TBXAS1: variants seen among roughly 807,000 people sequenced by gnomAD.
TBXAS1 encodes the protein thromboxane A synthase 1.
Under a neutral mutation model 60.7 loss-of-function variants are expected in TBXAS1, and 48 were observed. The ratio of observed to expected loss-of-function variants is 0.79; its 90% CI spans 0.63 to 1.01. The LOEUF is 1.01. Ranked by LOEUF, TBXAS1 falls within the 50% of genes least tolerant of loss-of-function variation. The probability of loss-of-function intolerance (pLI) is 0.00; values close to 1 mark genes in which losing one functional copy is unlikely to be tolerated. For synonymous variants in TBXAS1, 287 were observed against 269.7 expected (o/e 1.06, Z -0.63); for missense variants, 685 against 686.3 (o/e 1.00, Z 0.02).
chr7:139,961,954 C>G lies in TBXAS1; in HGVS notation c.855C>G (p.Ala285=), dbSNP rs147264784. Residue 285 remains alanine (A), a synonymous_variant, in exon 9 of 13, where the codon GCC becomes GCG. Coordinates refer to ENST00000448866, the MANE Select transcript of TBXAS1 (RefSeq NM_001061.7). ...ACTTCCTCCAAATGGTCCTGGATGC[C>G]CGACATTCTGCAAGTCCCATGGGCG... ...RRDFLQMVLD[A]RHSASPMGVQ... The G allele has an allele frequency of 1.9e-5, 30 of 1,614,208 alleles. No homozygotes were observed. Among genetic ancestry groups the G allele is most frequent in the East Asian group, 6.7e-5 (3 of 44,892 alleles).
Position 139,916,528 on chromosome 7 carries a change from G to A in TBXAS1, c.333+5207G>A, listed in dbSNP as rs1805986608. On this transcript the variant is annotated intron_variant, in intron 4 of 12. Transcript: ENST00000448866. The surrounding 1 kb of genome is among the most constrained non-coding windows in gnomAD (Gnocchi z 4.2). ...TGGACGTGGTGGGTGGTTTTATCCC[G>A]AACCATCAATACCCGGCACCCTGGC... is the stretch of plus-strand genomic sequence containing the variant. Among the ~76,000 whole-genome samples the A allele has an allele frequency of 6.6e-6, 1 of 152,138 alleles. No individual in the cohort carries two copies. The highest frequency in any genetic ancestry group is 2.1e-4 in the South Asian group (1 of 4,828).
intron 4 of TBXAS1, among the ~76,000 whole-genome samples, chr7:139,935,257 T>C (rs746590440): frequency 1.3e-5 from 2 of 152,248 alleles, no homozygotes; most frequent in Non-Finnish European, 2.9e-5. Flanking sequence ...AGTATTTGCA[T>C]ATAACCTATG....
chr7:139,833,059 C>G (rs949289165), intron 1 of TBXAS1, among the ~76,000 whole-genome samples: 1 of 151,774 alleles, frequency 6.6e-6, no homozygotes, highest in Non-Finnish European at 1.5e-5. Context: ...AGCTAAAAAG[C>G]AAAAGCAAAA....
In TBXAS1 at chr7:139,951,593, TAAAAAAAAAAAAAAAAAAAA is replaced by T. The variant is rs66551791; in HGVS notation, c.451-1764_451-1745del. ...CAACATGGTGGAATCCCGTCTCTAC[TAAAAAAAAAAAAAAAAAAAA>T]AAAAAAAAAATTAGCCAGGCATGGT... On this transcript the variant is annotated intron_variant, in intron 5 of 12. Transcript: ENST00000448866. Among the ~76,000 whole-genome samples the T allele has an allele frequency of 6.0e-5, 4 of 66,312 alleles. No homozygotes were observed. In the East Asian group the frequency reaches 1.7e-3, roughly 28 times the overall value. The allele number at this position is 66,312 out of a possible 152,430, so 43.5% of individuals were successfully genotyped here. A position where few individuals can be genotyped will look rare whatever the true frequency, so the allele number is the denominator to read the frequency against.
In TBXAS1 at chr7:139,871,898, G is replaced by T. The variant is rs577503968; in HGVS notation, c.90-337G>T. On this transcript the variant is annotated intron_variant, in intron 1 of 12. Coordinates refer to ENST00000448866, the MANE Select transcript of TBXAS1 (RefSeq NM_001061.7). Reference sequence around the variant, plus strand: ...GCTCGTGATAGATTTAGAGGCAAAGGAAAGGAATTGGAGAGAGTGGCATTT... The same window carrying T: ...GCTCGTGATAGATTTAGAGGCAAAGTAAAGGAATTGGAGAGAGTGGCATTT... 1.6e-4 allele frequency among the ~76,000 whole-genome samples: 24 copies of T among 152,298 alleles called. No individual in the cohort carries two copies. In the East Asian group the frequency reaches 4.6e-3, roughly 29 times the overall value.
rs75433730 is a variant in TBXAS1, at chr7:139,978,031, G to A, written c.1134+15798G>A. Among the ~76,000 whole-genome samples the A allele has an allele frequency of 2.7e-3, 406 of 152,178 alleles. 4 individuals carry two copies. The highest frequency in any genetic ancestry group is 0.01 in the Middle Eastern group (3 of 294). On this transcript the variant is annotated intron_variant, in intron 9 of 12. Transcript: ENST00000448866. ...CACTGTGGGTCACTTGAACGATGTCGGGGGTATTGTCCACCTCCCAGTGCT... is the reference window on the plus strand; with the variant it reads ...CACTGTGGGTCACTTGAACGATGTCAGGGGTATTGTCCACCTCCCAGTGCT...
intron 9 of TBXAS1, among the ~76,000 whole-genome samples, chr7:139,990,784 G>A (rs1812833329): frequency 6.6e-6 from 1 of 150,628 alleles, no homozygotes; most frequent in East Asian, 2.0e-4. Context: ...CTGGGCCTAC[G>A]ATCCTGCAAA....
chr7:139,962,248 G>A lies in TBXAS1; in HGVS notation c.1134+15G>A, dbSNP rs904979398. On this transcript the variant is annotated intron_variant, in intron 9 of 12. Transcript: ENST00000448866. Reference sequence around the variant, plus strand: ...AGGAGAAACACGTGAGTACAAGTTGGATCCAGTTACCCATGGGATATCCAT... The same window carrying A: ...AGGAGAAACACGTGAGTACAAGTTGAATCCAGTTACCCATGGGATATCCAT... 5.0e-6 allele frequency: 8 copies of A among 1,613,904 alleles called. No homozygotes were observed. Among genetic ancestry groups the A allele is most frequent in the Non-Finnish European group, 6.8e-6 (8 of 1,180,002 alleles).
intron 1 of TBXAS1, among the ~76,000 whole-genome samples, chr7:139,829,904 G>A (rs1490410056): frequency 2.6e-5 from 4 of 152,198 alleles, no homozygotes; most frequent in Non-Finnish European, 5.9e-5. Flanking sequence ...CGTAGGAGCT[G>A]TTTGGCAAAT....
intron 1 of TBXAS1, among the ~76,000 whole-genome samples, chr7:139,836,952 A>G (rs142748086): frequency 6.6e-6 from 1 of 152,228 alleles, no homozygotes; most frequent in African/African-American, 2.4e-5. Flanking sequence ...CAATGAACTC[A>G]AACAAATCAG....
intron 3 of TBXAS1, among the ~76,000 whole-genome samples, chr7:139,877,265 A>C (rs951079309): frequency 6.6e-6 from 1 of 152,076 alleles, no homozygotes; most frequent in Non-Finnish European, 1.5e-5. Flanking sequence ...ATCTCTTTCA[A>C]CTTGGCCTTC....
chr7:139,933,167 A>G (rs147507410), intron 4 of TBXAS1, among the ~76,000 whole-genome samples: 4 of 152,336 alleles, frequency 2.6e-5, no homozygotes, highest in African/African-American at 9.6e-5. Context: ...GGCCCAAGTG[A>G]GCACAGTGTC....
chr7:139,917,470 A>C (rs1371266281), intron 4 of TBXAS1, among the ~76,000 whole-genome samples: 1 of 152,184 alleles, frequency 6.6e-6, no homozygotes, highest in African/African-American at 2.4e-5. Flanking sequence ...TGGAATTCCC[A>C]GGTGACAGTC....
intron 4 of TBXAS1, among the ~76,000 whole-genome samples, chr7:139,934,020 C>T (rs1807545704): frequency 6.6e-6 from 1 of 152,088 alleles, no homozygotes; most frequent in Non-Finnish European, 1.5e-5. Context: ...TGTCCCCCAC[C>T]GATGTCCCAC....
In TBXAS1 at chr7:139,957,763, A is replaced by C; in HGVS notation, c.818A>C (p.Glu273Ala). The change falls in exon 8 of 13, where the codon GAG (glutamate) becomes GCG (alanine). Residue 273 changes from glutamate (E) to alanine (A), a missense_variant and splice_region_variant. By Grantham distance (107) the Glu-to-Ala change is moderately radical. Coordinates refer to ENST00000448866, the MANE Select transcript of TBXAS1 (RefSeq NM_001061.7). The stretch of plus-strand genomic sequence containing the variant: ...TTGCGGGACCAGCAAGCTGCCGAAG[A>C]GGTAACGTATTTTAATAGGACACAG... ...IALRDQQAAE[E>A]RRRDFLQMVL... is the part of the protein sequence containing the mutation. 6.2e-7 allele frequency: 1 copy of C among 1,613,972 alleles called. No individual in the cohort carries two copies. The highest frequency in any genetic ancestry group is 8.5e-7 in the Non-Finnish European group (1 of 1,179,982).
At chr7:139,950,724 C>T (rs999000810) in intron 5 of TBXAS1, among the ~76,000 whole-genome samples, 56 of 137,440 alleles carry the variant, frequency 4.1e-4, no homozygotes, top group African/African-American at 1.3e-3. Flanking sequence ...CCTCCATCTA[C>T]GGGACCCCCT....
chr7:139,781,773 T>C (rs1017050196), intron 2 of TBXAS1, among the ~76,000 whole-genome samples: 1 of 132,870 alleles, frequency 7.5e-6, no homozygotes, highest in Admixed American at 8.9e-5. Flanking sequence ...AGGCAGAGGT[T>C]GCAGTGAGCC....
At chr7:139,826,315 TC>T (rs1798436974), upstream of TBXAS1, among the ~76,000 whole-genome samples, 1 of 151,428 alleles carries the variant, frequency 6.6e-6, no homozygotes, top group Non-Finnish European at 1.5e-5. Context: ...GGGTGGGGAG[TC>T]TAAAAGGGCT....
intron 4 of TBXAS1, among the ~76,000 whole-genome samples, chr7:139,788,737 T>C (rs531748914): frequency 6.6e-6 from 1 of 152,322 alleles, no homozygotes; most frequent in African/African-American, 2.4e-5. Context: ...GAATGAAAAA[T>C]GCACATGGCA....
Sources: allele counts gnomAD v4.1 joint callset (sites outside exome capture counted in the v4.1 genomes callset), GRCh38; gene constraint gnomAD v4.1.1; non-coding constraint Gnocchi (gnomAD v3.1); transcripts MANE v1.5; gene names NCBI Gene and HGNC (gene_info 2026-07-23, HGNC 2026-07-21).